CMYA5: variants seen among roughly 807,000 people sequenced by gnomAD.
CMYA5 encodes the protein cardiomyopathy associated 5.
Under a neutral mutation model 318.9 loss-of-function variants are expected in CMYA5, and 246 were observed. The observed-to-expected ratio is 0.77, with a 90% CI of 0.70 to 0.86. The LOEUF (loss-of-function observed/expected upper bound fraction) is 0.86, where lower values mean the gene tolerates loss of function less well. CMYA5 is among the 40% of genes least tolerant of loss of function. CMYA5 has a pLI of 0.00. For synonymous variants in CMYA5, 1,641 were observed against 1,729.5 expected (o/e 0.95, Z 1.27); for missense variants, 4,589 against 4,678.2 (o/e 0.98, Z 0.56).
chr5:79,734,535 C>A lies in CMYA5; in HGVS notation c.5770C>A (p.Leu1924Met). The A allele has an allele frequency of 6.2e-7, 1 of 1,613,832 alleles. No individual in the cohort carries two copies. The highest frequency in any genetic ancestry group is 8.5e-7 in the Non-Finnish European group (1 of 1,179,812). The change falls in exon 2 of 13, where the codon CTG becomes ATG. Residue 1924 changes from leucine to methionine, a missense_variant. Physicochemically the swap from Leu to Met is conservative, Grantham distance 15. Around this residue, in one of 3 missense-constraint regions of CMYA5, gnomAD observed 2,431 missense variants for 2,495.1 expected, o/e 0.97. Transcript: ENST00000446378. ...GCTGGATTCCTCTAGCAGCAATGAG[C>A]TGAGGCCAGGGCAGCTCAAGGCTGC... Reference protein sequence around the residue: ...VQLDSSSSNELRPGQLKAAVS... With the variant: ...VQLDSSSSNEMRPGQLKAAVS...
chr5:79,799,582 G>T lies in CMYA5; in HGVS notation c.12176G>T (p.Gly4059Val). The stretch of plus-strand genomic sequence containing the variant: ...CCTGGAAAATGTACTTTGCACCTGG[G>T]GATAGAGCCCCCGGATTCTGTAAGG... ...EKPGKCTLHL[G>V]IEPPDSVRHK The change falls in exon 13 of 13, where the codon GGG (glycine) becomes GTG (valine). Residue 4059 changes from glycine to valine, a missense_variant. By Grantham distance (109) the Gly-to-Val change is moderately radical. Coordinates refer to ENST00000446378, the MANE Select transcript of CMYA5 (RefSeq NM_153610.5). 3 of 1,613,560 alleles carry T rather than the reference G, an allele frequency of 1.9e-6. No homozygotes were observed. Among genetic ancestry groups the T allele is most frequent in the Non-Finnish European group, 2.5e-6 (3 of 1,179,712 alleles).
chr5:79,756,958 G>A (rs1828541287), intron 6 of CMYA5, among the ~76,000 whole-genome samples: 1 of 152,166 alleles, frequency 6.6e-6, no homozygotes, highest in African/African-American at 2.4e-5. Context: ...TTGGGAGGCC[G>A]AGGCGAGCGG....
At chr5:79,720,842 G>A (rs1170741875) in intron 1 of CMYA5, among the ~76,000 whole-genome samples, 1 of 152,170 alleles carries the variant, frequency 6.6e-6, no homozygotes, top group Admixed American at 6.5e-5. Flanking sequence ...ATTCACACCA[G>A]AGGAAATACT....
At position 79,732,969 on chromosome 5, in the gene CMYA5, C is replaced by T; in HGVS notation, c.4204C>T (p.Pro1402Ser). 1 of 1,613,436 alleles carries T rather than the reference C, an allele frequency of 6.2e-7. No individual in the cohort carries two copies. The highest frequency in any genetic ancestry group is 8.5e-7 in the Non-Finnish European group (1 of 1,179,652). Residue 1402 changes from proline to serine, a missense_variant, in exon 2 of 13, where the codon CCA becomes TCA. By Grantham distance (74) the Pro-to-Ser change is moderately conservative (BLOSUM62 -1). Coordinates refer to ENST00000446378, the MANE Select transcript of CMYA5 (RefSeq NM_153610.5). The stretch of plus-strand genomic sequence containing the variant: ...GGGTGAATTAGGAAGTGGTTTGCCA[C>T]CACTGGTAACATCTGCAGATGAACA... ...GKGELGSGLP[P>S]LVTSADEHSV... is the part of the protein sequence containing the mutation.
rs746701905 is a variant in CMYA5, at chr5:79,736,353, A to G, written c.7588A>G (p.Ile2530Val). 5.0e-6 allele frequency: 8 copies of G among 1,613,434 alleles called. No individual in the cohort carries two copies. The highest frequency in any genetic ancestry group is 5.9e-6 in the Non-Finnish European group (7 of 1,179,748). Residue 2530 changes from isoleucine (I) to valine (V), a missense_variant, in exon 2 of 13, where the codon ATT becomes GTT. By Grantham distance (29) the Ile-to-Val change is conservative. Transcript: ENST00000446378. ...AGACTACAATGAAAGACCCAAAATCATTGTTGGTTCTGAAAAGGAGAAAGG... is the reference window on the plus strand; with the variant it reads ...AGACTACAATGAAAGACCCAAAATCGTTGTTGGTTCTGAAAAGGAGAAAGG... Reference protein sequence around the residue: ...NEDYNERPKIIVGSEKEKGEE... With the variant: ...NEDYNERPKIVVGSEKEKGEE...
At chr5:79,703,907 A>G (rs189458947) in intron 1 of CMYA5, among the ~76,000 whole-genome samples, 91 of 152,322 alleles carry the variant, frequency 6.0e-4, no homozygotes, top group African/African-American at 2.1e-3. Context: ...CCTTGTCCAC[A>G]TAGGGAGACC....
intron 1 of CMYA5, among the ~76,000 whole-genome samples, chr5:79,705,572 C>T (rs1307406368): frequency 6.6e-6 from 1 of 152,096 alleles, no homozygotes; most frequent in Non-Finnish European, 1.5e-5. Context: ...TATTTCCCAC[C>T]CACACATCTT....
In CMYA5 at chr5:79,730,488, GTT is replaced by G. The variant is rs779471027; in HGVS notation, c.1724_1725del (p.Val575GlyfsTer4). ...ATTGGCAGCATCATCTCCTGAACAT[GTT>G]GCTTTGTCTGAGGAAGAAAGAGAGG... ...PLLAASSPEH[V>X]ALSEEEREEI... On this transcript the variant is annotated frameshift_variant, in exon 2 of 13. Coordinates refer to ENST00000446378, the MANE Select transcript of CMYA5 (RefSeq NM_153610.5). LOFTEE classifies it high-confidence loss of function. 33 of 1,613,906 alleles carry G rather than the reference GTT, an allele frequency of 2.0e-5. No individual in the cohort carries two copies. In the African/African-American group the frequency reaches 4.1e-4, roughly 20 times the overall value.
intron 1 of CMYA5, among the ~76,000 whole-genome samples, chr5:79,700,659 G>A (rs1016198457): frequency 6.6e-6 from 1 of 152,132 alleles, no homozygotes; most frequent in African/African-American, 2.4e-5. Flanking sequence ...CAAAGCCTAA[G>A]TGTCTATTAA....
chr5:79,792,325 A>G (rs1256569930), intron 11 of CMYA5, among the ~76,000 whole-genome samples: 2 of 151,050 alleles, frequency 1.3e-5, no homozygotes, highest in Admixed American at 6.6e-5. Flanking sequence ...GAGTGAATTC[A>G]GGGAAAAAAT....
At chr5:79,749,126 T>A (rs1344581131) in intron 5 of CMYA5, among the ~76,000 whole-genome samples, 3 of 152,232 alleles carry the variant, frequency 2.0e-5, no homozygotes, top group Non-Finnish European at 4.4e-5. Flanking sequence ...TAATTTCTAT[T>A]TCATTGTCCA....
At chr5:79,776,562 A>C (rs747619438) in intron 9 of CMYA5, among the ~76,000 whole-genome samples, 1 of 152,092 alleles carries the variant, frequency 6.6e-6, no homozygotes, top group African/African-American at 2.4e-5. Context: ...CATAAAAATC[A>C]ACCGGGATGC....
chr5:79,759,632 T>A (rs1434933416), intron 7 of CMYA5, among the ~76,000 whole-genome samples: 1 of 152,180 alleles, frequency 6.6e-6, no homozygotes, highest in Non-Finnish European at 1.5e-5. Context: ...TCCTGATGAA[T>A]CAGAGCTGGG....
chr5:79,720,922 G>C (rs1827613107), intron 1 of CMYA5, among the ~76,000 whole-genome samples: 1 of 152,156 alleles, frequency 6.6e-6, no homozygotes. Flanking sequence ...CAATAAAAAG[G>C]TTCTGTATCT....
At position 79,731,586 on chromosome 5, in the gene CMYA5, G is replaced by C; in HGVS notation, c.2821G>C (p.Asp941His). 1 of 1,612,912 alleles carries C rather than the reference G, an allele frequency of 6.2e-7. No homozygotes were observed. The highest frequency in any genetic ancestry group is 1.7e-5 in the Admixed American group (1 of 59,902). Residue 941 changes from aspartate (D) to histidine (H), a missense_variant, in exon 2 of 13, where the codon GAC becomes CAC. Physicochemically the swap from Asp to His is moderately conservative, Grantham distance 81. This residue lies in a region of CMYA5 where 2,132 missense variants were observed against 2,131.3 expected (regional missense o/e 1.00). Coordinates refer to ENST00000446378, the MANE Select transcript of CMYA5 (RefSeq NM_153610.5). ...GAATTTATCAGAAGAAGATCAAGAA[G>C]ACATTGGACCTTTTTCTCCAGATTC... ...PMNLSEEDQEDIGPFSPDSAF... is the reference protein window; with the variant it reads ...PMNLSEEDQEHIGPFSPDSAF...
At chr5:79,767,411 A>G (rs1580796726) in intron 9 of CMYA5, among the ~76,000 whole-genome samples, 1 of 152,038 alleles carries the variant, frequency 6.6e-6, no homozygotes, top group African/African-American at 2.4e-5. Flanking sequence ...TCAATTTTAG[A>G]TCTTTCCCAC....
Position 79,689,952 on chromosome 5 carries a change from C to A in CMYA5, c.45C>A (p.Gly15=). The change falls in exon 1 of 13, where the codon GGC becomes GGA. Residue 15 remains glycine, a synonymous_variant. Transcript: ENST00000446378. ...DSNHAGESFL[G]SDGDEEATRE... Reference sequence around the variant, plus strand: ...ACCACGCTGGCGAGAGCTTTCTCGGCTCCGACGGGGACGAGGAGGCGACCC... The same window carrying A: ...ACCACGCTGGCGAGAGCTTTCTCGGATCCGACGGGGACGAGGAGGCGACCC... 1 of 1,102,000 alleles carries A rather than the reference C, an allele frequency of 9.1e-7. No homozygotes were observed. Among genetic ancestry groups the A allele is most frequent in the Non-Finnish European group, 1.3e-6 (1 of 743,244 alleles). The allele number at this position is 1,102,000 out of a possible 1,614,324, so 68.3% of individuals were successfully genotyped here. A position where few individuals can be genotyped will look rare whatever the true frequency, so the allele number is the denominator to read the frequency against.
intron 1 of CMYA5, among the ~76,000 whole-genome samples, chr5:79,715,410 C>T (rs1827495788): frequency 6.6e-6 from 1 of 152,092 alleles, no homozygotes; most frequent in South Asian, 2.1e-4. Context: ...GCCTCAGCCT[C>T]CCGAGTAGCT....
At chr5:79,690,243 G>C (rs1411873058) in intron 1 of CMYA5, among the ~76,000 whole-genome samples, 187 bp downstream of exon 1, 5 of 152,040 alleles carry the variant, frequency 3.3e-5, no homozygotes, top group Non-Finnish European at 7.4e-5. Context: ...TGACAGGCCC[G>C]CCTGCAGCAG....
Sources: gnomAD v4.1 joint callset for allele counts (sites outside exome capture counted in the v4.1 genomes callset) on GRCh38, gnomAD v4.1.1 for gene constraint, gnomAD v4.1.1 regional missense constraint, MANE v1.5 for transcripts, NCBI Gene and HGNC (gene_info 2026-07-23, HGNC 2026-07-21) for gene names.